Variants in CSMD3 observed in about 807,000 individuals in gnomAD.
CSMD3 encodes CUB and Sushi multiple domains 3.
CSMD3 carries 177 observed loss-of-function variants against 435.2 expected under a neutral mutation model. The observed-to-expected ratio is 0.41, with a 90% confidence interval of 0.36 to 0.46. CSMD3 has a LOEUF of 0.46. CSMD3 is among the 20% of genes least tolerant of loss of function. The pLI is 0.34. For missense variants in CSMD3, 4,265 were observed against 4,504.6 expected (o/e 0.95, Z 1.52); for synonymous variants, 1,656 against 1,520.5 (o/e 1.09, Z -2.07).
intron 3 of CSMD3, among the ~76,000 whole-genome samples, chr8:113,256,412 A>G (rs2093381178): frequency 6.6e-6 from 1 of 152,184 alleles, no homozygotes; most frequent in Non-Finnish European, 1.5e-5. Context: ...ATTAAGACCT[A>G]ATGGCCACTG....
At chr8:112,239,718 T>C (rs952199519) in intron 66 of CSMD3, among the ~76,000 whole-genome samples, 15 of 152,140 alleles carry the variant, frequency 9.9e-5, no homozygotes, top group African/African-American at 3.6e-4. Flanking sequence ...TTGATAGTTT[T>C]CCCTTAACAT....
rs1281222922 is a variant in CSMD3, at chr8:112,666,257, A to G, written c.2816+20T>C. On this transcript the variant is annotated intron_variant, in intron 17 of 70. Transcript: ENST00000297405. ...TTTAGATAATATTTTCTTTAAAAGTAGGAAAAATATTTGTGAGACCTTTCA... is the reference window on the plus strand; with the variant it reads ...TTTAGATAATATTTTCTTTAAAAGTGGGAAAAATATTTGTGAGACCTTTCA... 1 of 1,584,552 alleles carries G rather than the reference A, an allele frequency of 6.3e-7. No homozygotes were observed. Among genetic ancestry groups the G allele is most frequent in the Middle Eastern group, 1.7e-4 (1 of 5,992 alleles).
At chr8:113,067,090 T>G (rs2131387144) in intron 5 of CSMD3, among the ~76,000 whole-genome samples, 1 of 152,240 alleles carries the variant, frequency 6.6e-6, no homozygotes, top group East Asian at 1.9e-4. Context: ...TCCAATATTT[T>G]TTGTCTTCTT....
chr8:113,215,064 T>C (rs926777420), intron 3 of CSMD3, among the ~76,000 whole-genome samples: 3 of 151,884 alleles, frequency 2.0e-5, no homozygotes, highest in Non-Finnish European at 4.4e-5. Flanking sequence ...GAGCCACATA[T>C]AGAGAGGACA....
intron 4 of CSMD3, among the ~76,000 whole-genome samples, chr8:113,142,127 C>G (rs1392827809): frequency 2.6e-5 from 4 of 150,968 alleles, no homozygotes; most frequent in Non-Finnish European, 5.9e-5. Context: ...TCATAAATAA[C>G]TAAGTAAATG....
At chr8:113,061,201 T>C (rs565283583) in intron 5 of CSMD3, among the ~76,000 whole-genome samples, 2 of 152,116 alleles carry the variant, frequency 1.3e-5, no homozygotes, top group Non-Finnish European at 2.9e-5. Flanking sequence ...ATTGTGTTGT[T>C]TGGAATTGCA....
intron 5 of CSMD3, among the ~76,000 whole-genome samples, chr8:113,028,428 A>C (rs535237963): frequency 3.3e-5 from 5 of 151,676 alleles, no homozygotes; most frequent in African/African-American, 9.6e-5. Flanking sequence ...TGAAAGGAAG[A>C]GTCACATGTC....
chr8:112,667,344 G>T (rs560804569), intron 16 of CSMD3, among the ~76,000 whole-genome samples: 1 of 152,168 alleles, frequency 6.6e-6, no homozygotes, highest in African/African-American at 2.4e-5. Context: ...GAAGTATTCA[G>T]TTTTCATACG....
At chr8:112,570,647 C>T (rs1236484944) in intron 24 of CSMD3, among the ~76,000 whole-genome samples, 2 of 152,092 alleles carry the variant, frequency 1.3e-5, no homozygotes, top group Admixed American at 1.3e-4. Flanking sequence ...TAGATAGTTG[C>T]AGATATGCAG....
At chr8:112,680,304 G>A (rs1283582056) in intron 16 of CSMD3, among the ~76,000 whole-genome samples, 1 of 152,138 alleles carries the variant, frequency 6.6e-6, no homozygotes, top group Admixed American at 6.5e-5. Context: ...GTTGCAGTCA[G>A]CAGAAATGGT....
intron 23 of CSMD3, among the ~76,000 whole-genome samples, chr8:112,581,544 CTTAA>C (rs1197128686): frequency 1.3e-5 from 2 of 151,828 alleles, no homozygotes; most frequent in African/African-American, 2.4e-5. Flanking sequence ...AACAATTGAA[CTTAA>C]TTAGAAAGGA....
intron 8 of CSMD3, among the ~76,000 whole-genome samples, chr8:112,949,047 T>G (rs1177991643): frequency 6.6e-6 from 1 of 151,942 alleles, no homozygotes; most frequent in Non-Finnish European, 1.5e-5. Flanking sequence ...GGTGCCAAAG[T>G]GTTGCGGTTG....
chr8:112,354,426 A>G (rs1333804780), intron 38 of CSMD3, among the ~76,000 whole-genome samples: 3 of 152,240 alleles, frequency 2.0e-5, no homozygotes, highest in African/African-American at 7.2e-5. Flanking sequence ...TTCACTGACA[A>G]CATGATTTTA....
At chr8:113,386,127 T>G (rs2094438148) in intron 1 of CSMD3, among the ~76,000 whole-genome samples, 1 of 152,020 alleles carries the variant, frequency 6.6e-6, no homozygotes, top group African/African-American at 2.4e-5. Context: ...TACAAAATGT[T>G]TTGGAAAAGC....
At chr8:112,303,777 T>C (rs1198798772) in intron 52 of CSMD3, among the ~76,000 whole-genome samples, 1 of 152,186 alleles carries the variant, frequency 6.6e-6, no homozygotes, top group Admixed American at 6.6e-5. Context: ...TATCAGATAC[T>C]TGTGTACTTA....
intron 22 of CSMD3, among the ~76,000 whole-genome samples, chr8:112,591,553 A>T (rs1489595076): frequency 6.6e-6 from 1 of 152,146 alleles, no homozygotes; most frequent in Admixed American, 6.5e-5. Flanking sequence ...TACTTTTTTA[A>T]AAATGTGCAT....
intron 5 of CSMD3, among the ~76,000 whole-genome samples, chr8:113,040,994 A>G (rs1303832258): frequency 6.6e-6 from 1 of 151,928 alleles, no homozygotes; most frequent in Non-Finnish European, 1.5e-5. Flanking sequence ...GCCTGAGGTC[A>G]GGATTTCGAG....
intron 30 of CSMD3, among the ~76,000 whole-genome samples, chr8:112,501,438 G>C (rs779049400): frequency 1.3e-5 from 2 of 150,448 alleles, no homozygotes; most frequent in Admixed American, 6.6e-5. Context: ...TGCAAAATAG[G>C]AAAAAGATGC....
At chr8:113,002,533 T>G (rs1441043569) in intron 6 of CSMD3, among the ~76,000 whole-genome samples, 1 of 152,136 alleles carries the variant, frequency 6.6e-6, no homozygotes, top group Non-Finnish European at 1.5e-5. Context: ...AATAATCACT[T>G]GGACTTAAAT....
Sources: gnomAD v4.1 joint callset for allele counts (sites outside exome capture counted in the v4.1 genomes callset) on GRCh38, gnomAD v4.1.1 for gene constraint, MANE v1.5 for transcripts, NCBI Gene and HGNC (gene_info 2026-07-23, HGNC 2026-07-21) for gene names.